CCBE1: variants seen among roughly 807,000 people sequenced by gnomAD.
The protein encoded by CCBE1 is collagen and calcium binding EGF domains 1.
CCBE1 carries 37 observed loss-of-function variants against 50.0 expected under a neutral mutation model. The observed-to-expected ratio is 0.74, with a 90% CI of 0.57 to 0.97. The LOEUF (loss-of-function observed/expected upper bound fraction) is 0.97, where lower values mean the gene tolerates loss of function less well. Ranked by LOEUF, CCBE1 falls within the 50% of genes least tolerant of loss-of-function variation. The pLI, the probability that CCBE1 is intolerant of heterozygous loss-of-function variation, is 0.00. For missense variants in CCBE1, 538 were observed against 523.8 expected (o/e 1.03, Z -0.26); for synonymous variants, 234 against 203.7 (o/e 1.15, Z -1.27).
chr18:59,560,369 T>C (rs575553664), intron 2 of CCBE1, among the ~76,000 whole-genome samples: 57 of 152,306 alleles, frequency 3.7e-4, no homozygotes, highest in African/African-American at 1.4e-3. Flanking sequence ...AAACACCGCA[T>C]GTTCTCACTC....
intron 2 of CCBE1, among the ~76,000 whole-genome samples, chr18:59,494,803 C>T (rs957681733): frequency 2.0e-5 from 3 of 152,102 alleles, no homozygotes; most frequent in African/African-American, 7.2e-5. Flanking sequence ...CAAGGCAGGG[C>T]ATGGAGCTCT....
rs1323105455 is a variant in CCBE1, at chr18:59,681,645, G to A, written c.212+14984C>T. ...AGCCAGGGCCCTTAACACTTTGATG[G>A]GCTCCTGCACTTACCCAGCATGAGC... On this transcript the variant is annotated intron_variant, in intron 2 of 10. Transcript: ENST00000439986. 2.0e-5 allele frequency among the ~76,000 whole-genome samples: 3 copies of A among 152,186 alleles called. No individual in the cohort carries two copies. In the East Asian group the frequency reaches 5.8e-4, roughly 29 times the overall value.
rs921056545 is a variant in CCBE1 at position 59,446,243 on chromosome 18, G to A, written c.775+1740C>T. Among the ~76,000 whole-genome samples, 10 of 152,318 alleles carry A rather than the reference G, an allele frequency of 6.6e-5. 1 individual carries two copies. The East Asian group carries it at 1.7e-3, about 26-fold the overall frequency. ...AGCATTGGAGAAGAAAGCTTGCAAG[G>A]CATTTATTAAGCAAGACAGCCAATG... On this transcript the variant is annotated intron_variant, in intron 7 of 10. Coordinates refer to ENST00000439986, the MANE Select transcript of CCBE1 (RefSeq NM_133459.4).
intron 4 of CCBE1, 54 bp downstream of exon 4, chr18:59,469,419 C>G (rs1422024535): frequency 5.6e-6 from 9 of 1,612,902 alleles, no homozygotes; most frequent in Non-Finnish European, 7.6e-6. Context: ...AGGACAGAAC[C>G]ATCTGAACAA....
chr18:59,449,562 C>T (rs1307918820), intron 6 of CCBE1, among the ~76,000 whole-genome samples: 1 of 146,952 alleles, frequency 6.8e-6, no homozygotes, highest in African/African-American at 2.5e-5. Flanking sequence ...GTGGAGGTTG[C>T]AGTGAGCCGA....
intron 2 of CCBE1, among the ~76,000 whole-genome samples, chr18:59,562,603 G>A (rs1035981878): frequency 1.2e-4 from 18 of 152,188 alleles, no homozygotes; most frequent in Admixed American, 3.3e-4. Flanking sequence ...GTGCACACGC[G>A]TACGTTCTGG....
At chr18:59,550,743 T>C (rs1220681302) in intron 2 of CCBE1, among the ~76,000 whole-genome samples, 1 of 151,936 alleles carries the variant, frequency 6.6e-6, no homozygotes, top group African/African-American at 2.4e-5. Context: ...AATACAGTCA[T>C]GTGGGCTGGG....
At chr18:59,562,203 AT>A in intron 2 of CCBE1, among the ~76,000 whole-genome samples, 2 of 96,740 alleles carry the variant, frequency 2.1e-5, no homozygotes, top group Admixed American at 2.1e-4. Flanking sequence ...TCTTTCATGC[AT>A]GTGTGTATAT....
chr18:59,551,952 A>T (rs1286150711), intron 2 of CCBE1, among the ~76,000 whole-genome samples: 1 of 152,184 alleles, frequency 6.6e-6, no homozygotes, highest in Non-Finnish European at 1.5e-5. Flanking sequence ...TTATTTGCTC[A>T]TTGCACTCCA....
chr18:59,665,274 G>C (rs2054338145), intron 2 of CCBE1, among the ~76,000 whole-genome samples: 1 of 152,056 alleles, frequency 6.6e-6, no homozygotes, highest in South Asian at 2.1e-4. Flanking sequence ...CCCTGTCTCA[G>C]CATTTTTATC....
intron 2 of CCBE1, among the ~76,000 whole-genome samples, chr18:59,516,041 C>A (rs1002312856): frequency 1.7e-4 from 26 of 152,260 alleles, no homozygotes; most frequent in Admixed American, 8.5e-4. Context: ...TCACTGAAAC[C>A]TCCGCCTCCT....
chr18:59,542,502 T>C lies in CCBE1; in HGVS notation c.213-62264A>G, dbSNP rs138159559. 6.2e-3 allele frequency among the ~76,000 whole-genome samples: 938 copies of C among 152,308 alleles called. 6 individuals are homozygous for C. Among genetic ancestry groups the C allele is most frequent in the Admixed American group, 0.014 (219 of 15,294 alleles). On this transcript the variant is annotated intron_variant, in intron 2 of 10. Transcript: ENST00000439986. ...TATAAAAACAGACACTTAAAAAGAA[T>C]TCCTGTAATAGATCAGAAGAAGTGA...
At chr18:59,649,202 G>A (rs189500990) in intron 2 of CCBE1, among the ~76,000 whole-genome samples, 362 of 152,236 alleles carry the variant, frequency 2.4e-3, no homozygotes, top group Non-Finnish European at 4.1e-3. Flanking sequence ...AGACAACAGC[G>A]GCCATCTGGA....
intron 7 of CCBE1, among the ~76,000 whole-genome samples, chr18:59,445,415 T>G (rs906577650): frequency 6.6e-6 from 1 of 152,214 alleles, no homozygotes; most frequent in Non-Finnish European, 1.5e-5. Flanking sequence ...ACTGAGAAGA[T>G]TGTTATACTA....
intron 2 of CCBE1, among the ~76,000 whole-genome samples, chr18:59,667,578 C>A (rs2054373708): frequency 6.6e-6 from 1 of 152,168 alleles, no homozygotes; most frequent in Non-Finnish European, 1.5e-5. Context: ...ATGACTGTGG[C>A]CCTTCCTAGA....
chr18:59,683,735 A>C (rs571964155), intron 2 of CCBE1, among the ~76,000 whole-genome samples: 1 of 152,050 alleles, frequency 6.6e-6, no homozygotes, highest in African/African-American at 2.4e-5. Context: ...GAAAGGAAAG[A>C]AAGCAAGCCA....
At chr18:59,649,796 A>G (rs2054103768) in intron 2 of CCBE1, among the ~76,000 whole-genome samples, 1 of 152,214 alleles carries the variant, frequency 6.6e-6, no homozygotes, top group Non-Finnish European at 1.5e-5. Flanking sequence ...ATGCTCCAGC[A>G]CTCACAGAGC....
At chr18:59,682,508 C>A (rs906914810) in intron 2 of CCBE1, among the ~76,000 whole-genome samples, 1 of 152,216 alleles carries the variant, frequency 6.6e-6, no homozygotes, top group Non-Finnish European at 1.5e-5. Flanking sequence ...GAGACCCCCC[C>A]CTTTAGCATC....
At chr18:59,487,763 T>G (rs1912893089) in intron 2 of CCBE1, among the ~76,000 whole-genome samples, 1 of 152,074 alleles carries the variant, frequency 6.6e-6, no homozygotes, top group Non-Finnish European at 1.5e-5. Flanking sequence ...ATGGTCAAGA[T>G]CAAATGAGAA....
Sources: allele counts gnomAD v4.1 joint callset (sites outside exome capture counted in the v4.1 genomes callset), GRCh38; gene constraint gnomAD v4.1.1; transcripts MANE v1.5; gene names NCBI Gene and HGNC (gene_info 2026-07-23, HGNC 2026-07-21).